Variants in BTBD9 observed in about 807,000 individuals in gnomAD.
BTBD9 encodes the protein BTB/POZ domain-containing protein 9.
BTBD9 carries 49 observed loss-of-function variants against 64.3 expected under a neutral mutation model. The observed-to-expected ratio is 0.76, with a 90% CI of 0.61 to 0.97. The LOEUF is 0.97. BTBD9 is among the 50% of genes least tolerant of loss of function. The probability of loss-of-function intolerance (pLI) is 0.00; values close to 1 mark genes in which losing one functional copy is unlikely to be tolerated. For missense variants in BTBD9, 598 were observed against 762.1 expected (o/e 0.78, Z 2.53); for synonymous variants, 260 against 274.7 (o/e 0.95, Z 0.53).
chr6:38,196,335 C>T (rs1762273264), intron 9 of BTBD9, among the ~76,000 whole-genome samples: 1 of 152,140 alleles, frequency 6.6e-6, no homozygotes, highest in Non-Finnish European at 1.5e-5. Flanking sequence ...AATACATTAA[C>T]AAATATAAAA....
Position 38,582,646 on chromosome 6 carries a change from G to A in BTBD9, c.815-2209C>T, listed in dbSNP as rs141083412. Among the ~76,000 whole-genome samples the A allele has an allele frequency of 2.5e-3, 386 of 151,946 alleles. 2 individuals carry two copies. The highest frequency in any genetic ancestry group is 9.0e-3 in the African/African-American group (371 of 41,434). On this transcript the variant is annotated intron_variant, in intron 4 of 10. Coordinates refer to ENST00000481247, the MANE Select transcript of BTBD9 (RefSeq NM_001099272.2). Reference sequence around the variant, plus strand: ...CCTCTAAAATTGCCTTAGACCCAGAGGAAAGAAACAAATAGTATGATATAG... The same window carrying A: ...CCTCTAAAATTGCCTTAGACCCAGAAGAAAGAAACAAATAGTATGATATAG...
At chr6:38,323,853 C>A (rs948269186) in intron 7 of BTBD9, among the ~76,000 whole-genome samples, 6 of 135,168 alleles carry the variant, frequency 4.4e-5, no homozygotes, top group Non-Finnish European at 8.8e-5. Flanking sequence ...AATTCCAGCA[C>A]TTTAGGAGGC....
intron 7 of BTBD9, among the ~76,000 whole-genome samples, chr6:38,291,754 G>T (rs917492348): frequency 6.6e-6 from 1 of 152,144 alleles, no homozygotes; most frequent in South Asian, 2.1e-4. Context: ...AGATAATCAT[G>T]TGTTTTTTGT....
At chr6:38,409,969 A>G (rs1767337809) in intron 6 of BTBD9, among the ~76,000 whole-genome samples, 1 of 152,210 alleles carries the variant, frequency 6.6e-6, no homozygotes, top group Non-Finnish European at 1.5e-5. Flanking sequence ...CCCTAGCATG[A>G]ACCCAATTCT....
intron 10 of BTBD9, among the ~76,000 whole-genome samples, chr6:38,191,854 AAAGGTAAAAAGACCCT>A (rs1762087252): frequency 6.6e-6 from 1 of 152,236 alleles, no homozygotes; most frequent in African/African-American, 2.4e-5. Context: ...AACACAATTC[AAAGGTAAAAAGACCCT>A]AAGCATTTCA....
At chr6:38,534,259 G>C (rs1046939153) in intron 6 of BTBD9, among the ~76,000 whole-genome samples, 2 of 151,864 alleles carry the variant, frequency 1.3e-5, no homozygotes, top group African/African-American at 4.8e-5. Context: ...CAATAAATTG[G>C]AAAACCTAGA....
At chr6:38,285,811 T>C (rs528340778) in intron 8 of BTBD9, among the ~76,000 whole-genome samples, 13 of 152,066 alleles carry the variant, frequency 8.5e-5, no homozygotes, top group Non-Finnish European at 1.6e-4. Flanking sequence ...AGAGACACGA[T>C]TGGTAATCTT....
chr6:38,572,538 G>C (rs1775819315), intron 6 of BTBD9, among the ~76,000 whole-genome samples: 1 of 152,082 alleles, frequency 6.6e-6, no homozygotes, highest in Non-Finnish European at 1.5e-5. Context: ...GAAGAAAAAG[G>C]AGGGAAGTGA....
At chr6:38,597,798 A>G (rs1777097915) in intron 2 of BTBD9, 112 bp downstream of exon 2, 1 of 854,482 alleles carries the variant, frequency 1.2e-6, no homozygotes, top group Non-Finnish European at 1.8e-6. Flanking sequence ...TATTGAATTG[A>G]GAGACTGCAA....
At chr6:38,267,708 G>A (rs542279085) in intron 8 of BTBD9, among the ~76,000 whole-genome samples, 11 of 152,354 alleles carry the variant, frequency 7.2e-5, no homozygotes, top group Admixed American at 1.3e-4. Context: ...GAGAGGCCAA[G>A]GTGGGTGGAT....
intron 9 of BTBD9, among the ~76,000 whole-genome samples, chr6:38,233,149 C>T (rs1424608801): frequency 6.6e-6 from 1 of 152,060 alleles, no homozygotes; most frequent in Non-Finnish European, 1.5e-5. Flanking sequence ...TAACCTTTAT[C>T]TAATTCACTA....
chr6:38,384,286 T>C (rs1766061012), intron 6 of BTBD9, among the ~76,000 whole-genome samples: 1 of 152,352 alleles, frequency 6.6e-6, no homozygotes, highest in African/African-American at 2.4e-5. Flanking sequence ...GCTTCTCTGC[T>C]ATAACATCAA....
intron 6 of BTBD9, among the ~76,000 whole-genome samples, chr6:38,434,550 C>T (rs10807195): frequency 6.6e-6 from 1 of 151,724 alleles, no homozygotes; most frequent in South Asian, 2.1e-4. Context: ...GTATAAAAAA[C>T]CAAACTGCAC....
intron 6 of BTBD9, among the ~76,000 whole-genome samples, chr6:38,531,980 A>G (rs2127430357): frequency 6.6e-6 from 1 of 152,334 alleles, no homozygotes; most frequent in East Asian, 1.9e-4. Context: ...CATAAGAACC[A>G]AAACTCAGGT....
At chr6:38,254,154 G>C (rs1045034863) in intron 9 of BTBD9, among the ~76,000 whole-genome samples, 1 of 151,324 alleles carries the variant, frequency 6.6e-6, no homozygotes, top group African/African-American at 2.4e-5. Context: ...GGACCTAGAT[G>C]GCAGAACAAC....
intron 6 of BTBD9, among the ~76,000 whole-genome samples, chr6:38,407,558 A>G (rs4714158): frequency 0.38 from 58,056 of 151,842 alleles, 13,579 homozygotes; most frequent in East Asian, 0.87. Context: ...GGTTTTGAAG[A>G]ATTCTAGTCA....
intron 9 of BTBD9, among the ~76,000 whole-genome samples, chr6:38,235,404 C>T (rs557230438): frequency 6.6e-6 from 1 of 152,256 alleles, no homozygotes; most frequent in East Asian, 1.9e-4. Flanking sequence ...TAGAACCAAC[C>T]TTCAGGGCTG....
intron 6 of BTBD9, among the ~76,000 whole-genome samples, chr6:38,542,557 C>T (rs566350998): frequency 1.4e-3 from 211 of 152,212 alleles, no homozygotes; most frequent in African/African-American, 4.7e-3. Context: ...CCTATCTGAC[C>T]GGTAAGGCTG....
At chr6:38,465,528 G>A (rs1770310931) in intron 6 of BTBD9, among the ~76,000 whole-genome samples, 2 of 147,474 alleles carry the variant, frequency 1.4e-5, no homozygotes, top group African/African-American at 5.0e-5. Context: ...CTACTCGGGA[G>A]GCTGAGGCAG....
Sources: allele counts gnomAD v4.1 joint callset (sites outside exome capture counted in the v4.1 genomes callset), GRCh38; gene constraint gnomAD v4.1.1; transcripts MANE v1.5; gene names NCBI Gene and HGNC (gene_info 2026-07-23, HGNC 2026-07-21).